Variants in OTOGL observed in about 807,000 individuals in gnomAD.
OTOGL encodes otogelin like, also known as otogelin-like protein.
A neutral mutation model predicts 318.5 loss-of-function variants in OTOGL; 285 were observed. The observed-to-expected ratio is 0.89, with a 90% confidence interval of 0.81 to 0.99. OTOGL has a LOEUF of 0.99. OTOGL is among the 50% of genes least tolerant of loss of function. The probability of loss-of-function intolerance (pLI) is 0.00; values close to 1 mark genes in which losing one functional copy is unlikely to be tolerated. For missense variants in OTOGL, 2,899 were observed against 2,845.6 expected, an observed-to-expected ratio of 1.02 and a Z score of -0.43; for synonymous variants, 987 against 936.5, an observed-to-expected ratio of 1.05 and a Z score of -0.99.
intron 31 of OTOGL, 109 bp downstream of exon 31, chr12:80,313,741 A>G: frequency 1.1e-6 from 1 of 940,454 alleles, no homozygotes; most frequent in Non-Finnish European, 1.5e-6. Context: ...GAATAGAATT[A>G]AATTAAAATG....
intron 44 of OTOGL, among the ~76,000 whole-genome samples, chr12:80,349,176 C>T (rs906187632): frequency 1.1e-4 from 17 of 151,828 alleles, no homozygotes; most frequent in African/African-American, 2.4e-4. Context: ...GAGTGTAATT[C>T]GGGAGCTCAG....
intron 1 of OTOGL, among the ~76,000 whole-genome samples, chr12:80,139,119 G>A (rs1198464549): frequency 2.6e-5 from 4 of 152,118 alleles, no homozygotes; most frequent in Non-Finnish European, 4.4e-5. Context: ...AGAAATATCC[G>A]TTTTGGTGGT....
At chr12:80,152,260 A>T (rs899635573) in intron 1 of OTOGL, among the ~76,000 whole-genome samples, 1 of 152,162 alleles carries the variant, frequency 6.6e-6, no homozygotes, top group African/African-American at 2.4e-5. Flanking sequence ...CAGAGAAAAC[A>T]GATTCCTACT....
Position 80,219,807 on chromosome 12 carries a change from C to G in OTOGL, c.236-7C>G, listed in dbSNP as rs1314849186. 7.9e-6 allele frequency: 12 copies of G among 1,527,514 alleles called. No homozygotes were observed. The highest frequency in any genetic ancestry group is 1.1e-5 in the Non-Finnish European group (12 of 1,128,970). 94.6% of individuals were successfully genotyped at this position (1,527,514 alleles called of 1,614,324 possible). On this transcript the variant is annotated splice_polypyrimidine_tract_variant and splice_region_variant and intron_variant, in intron 5 of 58. Coordinates refer to ENST00000547103, the MANE Select transcript of OTOGL (RefSeq NM_001378609.3). ...GAAGATAACTTTTTTTTTTTTTTCC[C>G]CCTCAGGTTCTTGTCCTTATGAATG... is the stretch of plus-strand genomic sequence containing the variant.
intron 1 of OTOGL, among the ~76,000 whole-genome samples, chr12:80,164,435 T>C (rs7970505): frequency 0.018 from 2,706 of 152,314 alleles, 72 homozygotes; most frequent in African/African-American, 0.058. Context: ...TATAAGTCTG[T>C]TCAAATGTTC....
chr12:80,356,547 A>C, intron 48 of OTOGL, 27 bp downstream of exon 48: 1 of 1,498,590 alleles, frequency 6.7e-7, no homozygotes, highest in Non-Finnish European at 9.2e-7. Context: ...GAAAATTAAG[A>C]GTGAGGTTCA....
At chr12:80,140,709 T>C (rs1172207222) in intron 1 of OTOGL, among the ~76,000 whole-genome samples, 1 of 152,180 alleles carries the variant, frequency 6.6e-6, no homozygotes, top group East Asian at 1.9e-4. Flanking sequence ...TGTCAGCATA[T>C]GTAAAGTCCT....
chr12:80,362,431 T>C (rs751752412), intron 52 of OTOGL, among the ~76,000 whole-genome samples: 2 of 152,184 alleles, frequency 1.3e-5, no homozygotes, highest in African/African-American at 4.8e-5. Context: ...CCAGCTGTGT[T>C]CTTTTTGCTC....
At position 80,241,294 on chromosome 12, in the gene OTOGL, G is replaced by A. The variant is rs570230373; in HGVS notation, c.1052+1855G>A. Among the ~76,000 whole-genome samples the A allele has an allele frequency of 7.2e-5, 11 of 152,202 alleles. No individual in the cohort carries two copies. The East Asian group carries it at 2.1e-3, about 29-fold the overall frequency. On this transcript the variant is annotated intron_variant, in intron 11 of 58. Coordinates refer to ENST00000547103, the MANE Select transcript of OTOGL (RefSeq NM_001378609.3). ...AGTGCAGTTATACCTAGATTTATAT[G>A]TATAGTCTCTAAATTGCAAGGATTC... is the stretch of plus-strand genomic sequence containing the variant.
chr12:80,212,046 G>C, intron 4 of OTOGL, 49 bp downstream of exon 4: 1 of 1,494,378 alleles, frequency 6.7e-7, no homozygotes, highest in Non-Finnish European at 9.0e-7. Flanking sequence ...AATCCATTCT[G>C]TTTTGGACTC....
At chr12:80,315,241 A>G (rs1463239543) in intron 32 of OTOGL, among the ~76,000 whole-genome samples, 1 of 152,238 alleles carries the variant, frequency 6.6e-6, no homozygotes, top group Admixed American at 6.5e-5. Context: ...GACATAAGAA[A>G]TAATGTAAGG....
At chr12:80,186,714 G>A (rs1875318196) in intron 1 of OTOGL, among the ~76,000 whole-genome samples, 1 of 151,966 alleles carries the variant, frequency 6.6e-6, no homozygotes, top group African/African-American at 2.4e-5. Flanking sequence ...CTGCTTGTTT[G>A]GGGAGGTCTT....
chr12:80,260,653 AT>A, intron 18 of OTOGL, among the ~76,000 whole-genome samples: 1 of 152,172 alleles, frequency 6.6e-6, no homozygotes, highest in Non-Finnish European at 1.5e-5. Context: ...TGTATGCCTT[AT>A]TATAATAAGT....
At chr12:80,323,552 G>A (rs1887482601) in intron 34 of OTOGL, among the ~76,000 whole-genome samples, 171 bp from the exon 35 acceptor site, 1 of 152,194 alleles carries the variant, frequency 6.6e-6, no homozygotes, top group Non-Finnish European at 1.5e-5. Flanking sequence ...GGGAGGCTGA[G>A]GCACGACAGT....
At chr12:80,248,490 G>A (rs1429253051) in intron 11 of OTOGL, among the ~76,000 whole-genome samples, 88 of 138,502 alleles carry the variant, frequency 6.4e-4, no homozygotes, top group Middle Eastern at 7.2e-3. Flanking sequence ...TTGAATATTG[G>A]CCCCCACTCT....
intron 23 of OTOGL, 126 bp downstream of exon 23, chr12:80,270,280 A>AACATGGTG (rs779309729): frequency 6.7e-6 from 5 of 747,378 alleles, no homozygotes; most frequent in African/African-American, 1.8e-5. Context: ...AATGTTCTTC[A>AACATGGTG]ACATGGTGTT....
intron 1 of OTOGL, among the ~76,000 whole-genome samples, chr12:80,197,661 A>G (rs1876170394): frequency 6.6e-6 from 1 of 152,266 alleles, no homozygotes; most frequent in South Asian, 2.1e-4. Flanking sequence ...GCTCTGAAGC[A>G]GAGGCAGGAA....
chr12:80,234,185 C>T (rs1199856820), intron 9 of OTOGL, among the ~76,000 whole-genome samples: 1 of 152,140 alleles, frequency 6.6e-6, no homozygotes, highest in Admixed American at 6.5e-5. Flanking sequence ...TCTCAAGTAG[C>T]TGGGACTACA....
At chr12:80,192,264 G>C (rs1920404) in intron 1 of OTOGL, among the ~76,000 whole-genome samples, 65,024 of 152,124 alleles carry the variant, frequency 0.43, 16,649 homozygotes, top group Admixed American at 0.58. Flanking sequence ...CTGTGTGGTT[G>C]ATTTTCTAAC....
Sources: gnomAD v4.1 joint callset for allele counts (sites outside exome capture counted in the v4.1 genomes callset) on GRCh38, gnomAD v4.1.1 for gene constraint, MANE v1.5 for transcripts, NCBI Gene and HGNC (gene_info 2026-07-23, HGNC 2026-07-21) for gene names.